Variants in TNRC6B observed in about 807,000 individuals in gnomAD.
TNRC6B encodes the protein trinucleotide repeat containing adaptor 6B.
In TNRC6B, 52 loss-of-function variants were observed where a neutral mutation model predicts 203.6. That is an observed-to-expected ratio of 0.26 (90% CI 0.20 to 0.32). The LOEUF (loss-of-function observed/expected upper bound fraction) is 0.32. Ranked by LOEUF, TNRC6B falls within the 10% of genes least tolerant of loss-of-function variation. The probability of loss-of-function intolerance (pLI) is 1.00; values close to 1 mark genes in which losing one functional copy is unlikely to be tolerated. For synonymous variants in TNRC6B, 838 were observed against 845.7 expected (o/e 0.99, Z 0.16); for missense variants, 1,923 against 2,286.2 (o/e 0.84, Z 3.24).
At chr22:40,241,353 A>G (rs1201006838) in intron 1 of TNRC6B, among the ~76,000 whole-genome samples, 3 of 152,146 alleles carry the variant, frequency 2.0e-5, no homozygotes, top group Non-Finnish European at 4.4e-5. Flanking sequence ...CATGACCACC[A>G]CTTACTCTTC....
At chr22:40,054,387 G>A (rs569394816) in intron 1 of TNRC6B, among the ~76,000 whole-genome samples, 66 of 152,044 alleles carry the variant, frequency 4.3e-4, no homozygotes, top group Admixed American at 5.9e-4. Flanking sequence ...TTCAAGTTCC[G>A]GAAATGTGTG....
At chr22:40,251,624 C>CA (rs1601921031) in intron 3 of TNRC6B, among the ~76,000 whole-genome samples, 1 of 151,758 alleles carries the variant, frequency 6.6e-6, no homozygotes, top group East Asian at 1.9e-4. Context: ...GAGGCTGAGG[C>CA]ATGAGAATCG....
chr22:40,045,101 G>C (rs955634454), intron 1 of TNRC6B: 153 of 144,934 alleles, frequency 1.1e-3, no homozygotes, highest in African/African-American at 3.6e-3. Context: ...GGGGGCGCGC[G>C]GCGCGGCCCG....
chr22:40,125,983 T>A, intron 3 of TNRC6B: 1 of 947,150 alleles, frequency 1.1e-6, no homozygotes, highest in Non-Finnish European at 1.5e-6. Flanking sequence ...AATTAGAACC[T>A]AACATAAGAT....
chr22:40,271,224 G>T (rs1041063850), intron 6 of TNRC6B, among the ~76,000 whole-genome samples: 1 of 152,188 alleles, frequency 6.6e-6, no homozygotes, highest in Non-Finnish European at 1.5e-5. Flanking sequence ...CTAAATTCAG[G>T]TGCCTGTTTA....
chr22:40,162,822 T>C (rs1004763511), intron 4 of TNRC6B, among the ~76,000 whole-genome samples: 15 of 152,106 alleles, frequency 9.9e-5, no homozygotes, highest in Admixed American at 8.5e-4. Flanking sequence ...GGGAAATGAG[T>C]TTTCTTTTCA....
At chr22:40,312,700 A>G (rs1424102855) in intron 18 of TNRC6B, 49 bp downstream of exon 18, 4 of 1,571,998 alleles carry the variant, frequency 2.5e-6, no homozygotes, top group Non-Finnish European at 3.5e-6. Context: ...GCATTTTCAT[A>G]GTTGTCAGTT....
At chr22:40,100,553 A>T (rs2068230489) in intron 1 of TNRC6B, among the ~76,000 whole-genome samples, 1 of 152,186 alleles carries the variant, frequency 6.6e-6, no homozygotes, top group Non-Finnish European at 1.5e-5. Context: ...TAATTAAAAA[A>T]AAAAATTTAT....
At chr22:40,262,479 A>G (rs2070401792) in intron 4 of TNRC6B, among the ~76,000 whole-genome samples, 1 of 152,008 alleles carries the variant, frequency 6.6e-6, no homozygotes, top group South Asian at 2.1e-4. Context: ...CCACCGTCAT[A>G]TGTGTTCAGG....
chr22:40,176,056 G>T (rs2069053121), upstream of TNRC6B, among the ~76,000 whole-genome samples: 1 of 152,160 alleles, frequency 6.6e-6, no homozygotes, highest in Non-Finnish European at 1.5e-5. Context: ...AAGCACACTA[G>T]GGAATCCTCC....
At position 40,228,270 on chromosome 22, in the gene TNRC6B, A is replaced by T. The variant is rs918732855; in HGVS notation, c.6-17745A>T. Among the ~76,000 whole-genome samples the T allele has an allele frequency of 4.6e-5, 7 of 151,906 alleles. 1 individual carries two copies. The highest frequency in any genetic ancestry group is 1.0e-4 in the Non-Finnish European group (7 of 67,990). On this transcript the variant is annotated intron_variant, in intron 1 of 22. Coordinates refer to ENST00000454349, the MANE Select transcript of TNRC6B (RefSeq NM_001162501.2). ...TGGTGAAACCCCGTCTCTACTAAAAATACTAAAAAATTAGCCAGGTGTGGT... is the reference window on the plus strand; with the variant it reads ...TGGTGAAACCCCGTCTCTACTAAAATTACTAAAAAATTAGCCAGGTGTGGT...
chr22:40,060,219 TA>T (rs1032514392), intron 1 of TNRC6B, among the ~76,000 whole-genome samples: 1 of 150,814 alleles, frequency 6.6e-6, no homozygotes, highest in African/African-American at 2.4e-5. Context: ...TTATTATTTT[TA>T]TTATTTTTTT....
Position 40,315,949 on chromosome 22 carries a change from C to T in TNRC6B, c.4911C>T (p.Thr1637=), listed in dbSNP as rs779724568. 1.1e-5 allele frequency: 17 copies of T among 1,613,630 alleles called. 1 individual carries two copies. The South Asian group carries it at 1.8e-4, about 17-fold the overall frequency. Residue 1637 remains threonine, a synonymous_variant, in exon 21 of 23, where the codon ACC becomes ACT. Transcript: ENST00000454349. ...TQDSRLASAS[T]WSDGGSVRPS... is the part of the protein sequence containing the mutation. ...TTTTCTGGTTGCTCATAGCCTCTAC[C>T]TGGAGTGATGGTGGCTCAGTTCGTC... is the stretch of plus-strand genomic sequence containing the variant.
chr22:40,065,315 T>C (rs1172348702), intron 1 of TNRC6B, among the ~76,000 whole-genome samples: 1 of 152,036 alleles, frequency 6.6e-6, no homozygotes. Flanking sequence ...CCCAGCTAAT[T>C]ATTTTGTTTT....
chr22:40,302,493 C>T (rs1471346397), intron 15 of TNRC6B, among the ~76,000 whole-genome samples: 2 of 152,068 alleles, frequency 1.3e-5, no homozygotes, highest in African/African-American at 2.4e-5. Flanking sequence ...ATTAGCCGGA[C>T]GTTGTGGCAT....
intron 1 of TNRC6B, among the ~76,000 whole-genome samples, chr22:40,050,187 C>G (rs527278395): frequency 6.6e-6 from 1 of 152,254 alleles, no homozygotes; most frequent in East Asian, 1.9e-4. Context: ...CCGGATCCAG[C>G]GACCTGAGAG....
chr22:40,299,158 C>CAAAAAAAAAAAAAAAAA (rs796432826), intron 12 of TNRC6B, among the ~76,000 whole-genome samples: 1 of 103,072 alleles, frequency 9.7e-6, no homozygotes. Context: ...AAAAAAAAAA[C>CAAAAAAAAAAAAAAAAA]AAAAAAAAAA....
At chr22:40,191,138 G>A (rs1405969404) in intron 1 of TNRC6B, among the ~76,000 whole-genome samples, 1 of 152,086 alleles carries the variant, frequency 6.6e-6, no homozygotes, top group Non-Finnish European at 1.5e-5. Context: ...GATGGGAGTC[G>A]CTTGGTGTGG....
intron 1 of TNRC6B, among the ~76,000 whole-genome samples, chr22:40,200,027 G>A (rs556483383): frequency 1.9e-4 from 29 of 152,020 alleles, no homozygotes; most frequent in African/African-American, 6.7e-4. Context: ...TTGAACTCCT[G>A]ACTTCAAGTG....
Sources: allele counts gnomAD v4.1 joint callset (sites outside exome capture counted in the v4.1 genomes callset), GRCh38; gene constraint gnomAD v4.1.1; transcripts MANE v1.5; gene names NCBI Gene and HGNC (gene_info 2026-07-23, HGNC 2026-07-21).